RAP1A: variants seen among roughly 807,000 people sequenced by gnomAD.
RAP1A encodes the protein RAP1A, member of RAS oncogene family.
RAP1A carries 6 observed loss-of-function variants against 26.4 expected under a neutral mutation model. The observed-to-expected ratio is 0.23, with a 90% CI of 0.12 to 0.45. The LOEUF is 0.45. Among genes scored for constraint, RAP1A ranks in the 20% least tolerant of loss-of-function variants. The probability of loss-of-function intolerance (pLI) is 0.99; values close to 1 mark genes in which losing one functional copy is unlikely to be tolerated. For missense variants in RAP1A, 121 were observed against 217.2 expected, an observed-to-expected ratio of 0.56 and a Z score of 2.78; for synonymous variants, 73 against 79.4, an observed-to-expected ratio of 0.92 and a Z score of 0.43.
At chr1:111,637,669 A>G (rs1659766807) in intron 1 of RAP1A, among the ~76,000 whole-genome samples, 1 of 152,196 alleles carries the variant, frequency 6.6e-6, no homozygotes, top group African/African-American at 2.4e-5. Context: ...AATCAGATAC[A>G]TAATACTTCA....
At chr1:111,605,076 C>T (rs1396889696) in intron 1 of RAP1A, among the ~76,000 whole-genome samples, 2 of 152,150 alleles carry the variant, frequency 1.3e-5, no homozygotes, top group Non-Finnish European at 2.9e-5. Context: ...CAGGATTTGC[C>T]TAGTAGTTGT....
chr1:111,614,324 G>A (rs1658978374), intron 1 of RAP1A, among the ~76,000 whole-genome samples: 1 of 152,200 alleles, frequency 6.6e-6, no homozygotes, highest in Non-Finnish European at 1.5e-5. Context: ...CCTGAGTGAA[G>A]GGATGGTATT....
chr1:111,704,221 G>T, intron 5 of RAP1A, 122 bp from the exon 6 acceptor site: 15 of 831,812 alleles, frequency 1.8e-5, no homozygotes, highest in Middle Eastern at 4.4e-4. Flanking sequence ...GTTAGTATTT[G>T]ATGAAGCTTG....
chr1:111,674,169 C>T (rs1044387056), intron 1 of RAP1A, among the ~76,000 whole-genome samples: 3 of 152,108 alleles, frequency 2.0e-5, no homozygotes, highest in African/African-American at 7.2e-5. Flanking sequence ...GATGAATTCA[C>T]ATCTTGTTAA....
At chr1:111,632,175 T>C (rs1659586584) in intron 1 of RAP1A, among the ~76,000 whole-genome samples, 2 of 151,792 alleles carry the variant, frequency 1.3e-5, no homozygotes, top group Non-Finnish European at 2.9e-5. Context: ...TGCTCAGAAA[T>C]ATGAACTCAT....
chr1:111,713,925 C>G lies in RAP1A; in HGVS notation c.*1524C>G, dbSNP rs966483884. ...CTCAAATATTAAGGAGGAGACAGAC[C>G]AGTCCTAGAAAGTCTAAGTCATTGC... On this transcript the variant is annotated 3_prime_UTR_variant, in exon 8 of 8. Transcript: ENST00000369709. 4 of 152,156 alleles carry G rather than the reference C, an allele frequency of 2.6e-5. No individual in the cohort carries two copies. Among genetic ancestry groups the G allele is most frequent in the Non-Finnish European group, 5.9e-5 (4 of 68,024 alleles). The allele number at this position is 152,156 out of a possible 1,614,324, so 9.4% of individuals were successfully genotyped here.
intron 1 of RAP1A, among the ~76,000 whole-genome samples, chr1:111,631,055 A>G (rs967046901): frequency 3.3e-5 from 5 of 152,204 alleles, no homozygotes; most frequent in African/African-American, 7.2e-5. Context: ...AAAATTGTGC[A>G]TTTACCCTAA....
intron 1 of RAP1A, among the ~76,000 whole-genome samples, chr1:111,623,014 G>T (rs2763853): frequency 0.88 from 133,660 of 152,134 alleles, 59,065 homozygotes; most frequent in African/African-American, 0.97. Context: ...AAAGGGATAT[G>T]TTTAAAAATT....
At chr1:111,705,598 A>G (rs1662165047) in intron 6 of RAP1A, among the ~76,000 whole-genome samples, 2 of 152,132 alleles carry the variant, frequency 1.3e-5, no homozygotes. Flanking sequence ...GAAATTTATA[A>G]ATTGTATTTA....
intron 1 of RAP1A, among the ~76,000 whole-genome samples, chr1:111,570,099 C>T (rs962112882): frequency 6.6e-6 from 1 of 152,144 alleles, no homozygotes; most frequent in Non-Finnish European, 1.5e-5. Flanking sequence ...TGCATTTTGG[C>T]ATGAGATCTC....
chr1:111,569,451 CT>C (rs1355185077), intron 1 of RAP1A, among the ~76,000 whole-genome samples: 1 of 151,728 alleles, frequency 6.6e-6, no homozygotes, highest in Non-Finnish European at 1.5e-5. Flanking sequence ...GTCAGCACCC[CT>C]AACCTAACCC....
chr1:111,548,595 A>G (rs1657126054), intron 1 of RAP1A, among the ~76,000 whole-genome samples: 1 of 152,218 alleles, frequency 6.6e-6, no homozygotes, highest in African/African-American at 2.4e-5. Flanking sequence ...TGTTTATGGC[A>G]TTGACTATTG....
chr1:111,694,064 A>G (rs78434941), intron 2 of RAP1A, among the ~76,000 whole-genome samples: 1,522 of 152,046 alleles, frequency 0.01, 22 homozygotes, highest in African/African-American at 0.034. Context: ...AAATTTTTAA[A>G]TTTTTTGTAG....
intron 1 of RAP1A, among the ~76,000 whole-genome samples, chr1:111,667,013 T>C (rs561815152): frequency 2.6e-5 from 4 of 152,332 alleles, no homozygotes; most frequent in Non-Finnish European, 5.9e-5. Flanking sequence ...CTTTACCCTA[T>C]GAGCAAAAGG....
At chr1:111,599,213 GTTGT>G (rs1350108458) in intron 1 of RAP1A, among the ~76,000 whole-genome samples, 1 of 151,788 alleles carries the variant, frequency 6.6e-6, no homozygotes, top group African/African-American at 2.4e-5. Flanking sequence ...TTTTTTTGTT[GTTGT>G]TTTTTTGAGA....
At chr1:111,689,210 A>G (rs1480536033) in intron 1 of RAP1A, among the ~76,000 whole-genome samples, 1 of 151,848 alleles carries the variant, frequency 6.6e-6, no homozygotes, top group African/African-American at 2.4e-5. Flanking sequence ...CCAGTTACAT[A>G]TATATTATAC....
chr1:111,643,841 A>G (rs1659969847), intron 1 of RAP1A, among the ~76,000 whole-genome samples: 1 of 152,234 alleles, frequency 6.6e-6, no homozygotes, highest in African/African-American at 2.4e-5. Flanking sequence ...CATTATGTAA[A>G]TAAAGATACT....
intron 1 of RAP1A, among the ~76,000 whole-genome samples, chr1:111,666,649 A>AG (rs1454482448): frequency 5.9e-5 from 9 of 152,162 alleles, no homozygotes; most frequent in Non-Finnish European, 1.2e-4. Flanking sequence ...GATTTAAAAA[A>AG]AAAAAGCATT....
At chr1:111,676,049 C>T (rs115117911) in intron 1 of RAP1A, among the ~76,000 whole-genome samples, 2,481 of 152,212 alleles carry the variant, frequency 0.016, 66 homozygotes, top group African/African-American at 0.056. Flanking sequence ...GCCCTTGACA[C>T]GTGGGGATTA....
Sources: allele counts gnomAD v4.1 joint callset (sites outside exome capture counted in the v4.1 genomes callset), GRCh38; gene constraint gnomAD v4.1.1; transcripts MANE v1.5; gene names NCBI Gene and HGNC (gene_info 2026-07-23, HGNC 2026-07-21).